The following ZNF214 variants were observed in gnomAD, a reference collection of about 807,000 sequenced individuals.
The protein encoded by ZNF214 is BWSCR2-associated zinc finger protein 1.
ZNF214 carries 43 observed loss-of-function variants against 53.9 expected under a neutral mutation model. The ratio of observed to expected loss-of-function variants is 0.80; its 90% confidence interval spans 0.63 to 1.03. The LOEUF (loss-of-function observed/expected upper bound fraction) is 1.03, where lower values mean the gene tolerates loss of function less well. Among genes scored for constraint, ZNF214 ranks in the 50% least tolerant of loss-of-function variants. ZNF214 has a pLI of 0.00. For synonymous variants in ZNF214, 217 were observed against 229.5 expected (o/e 0.95, Z 0.49); for missense variants, 724 against 719.1 (o/e 1.01, Z -0.08).
chr11:7,007,530 A>G (rs1172734027), intron 1 of ZNF214, among the ~76,000 whole-genome samples: 1 of 151,882 alleles, frequency 6.6e-6, no homozygotes, highest in Admixed American at 6.6e-5. Flanking sequence ...TGGCAAAAAT[A>G]CCATAAGGGA....
chr11:7,002,024 T>G (rs558320898), intron 2 of ZNF214, among the ~76,000 whole-genome samples: 11 of 152,134 alleles, frequency 7.2e-5, no homozygotes, highest in African/African-American at 2.6e-4. Flanking sequence ...GGTGTTCTCC[T>G]TCCACACTCT....
intron 2 of ZNF214, among the ~76,000 whole-genome samples, chr11:7,002,491 AATAACT>A (rs139225816): frequency 0.014 from 2,153 of 152,110 alleles, 55 homozygotes; most frequent in African/African-American, 0.049. Flanking sequence ...TAATGCAGAG[AATAACT>A]AAAACTAATA....
chr11:7,007,852 A>C (rs373371448), intron 1 of ZNF214, among the ~76,000 whole-genome samples: 58 of 110,304 alleles, frequency 5.3e-4, no homozygotes, highest in African/African-American at 1.6e-3. Flanking sequence ...AAGATAGACC[A>C]TGTATTAGTC....
chr11:6,999,736 T>C lies in ZNF214; in HGVS notation c.*126A>G. The C allele has an allele frequency of 1.9e-6, 2 of 1,029,758 alleles. No individual in the cohort carries two copies. The highest frequency in any genetic ancestry group is 2.7e-6 in the Non-Finnish European group (2 of 740,426). 63.8% of individuals were successfully genotyped at this position (1,029,758 alleles called of 1,614,324 possible). On this transcript the variant is annotated 3_prime_UTR_variant, in exon 3 of 3. Coordinates refer to ENST00000278314, the MANE Select transcript of ZNF214 (RefSeq NM_013249.4). ...GAAGCAAATAATTCTTAGTGGGAGA[T>C]AGGGGAAACTATAAATGTTGCTTGG...
At chr11:7,011,465 C>T (rs933111372) in intron 1 of ZNF214, among the ~76,000 whole-genome samples, 4 of 151,958 alleles carry the variant, frequency 2.6e-5, no homozygotes, top group African/African-American at 9.7e-5. Flanking sequence ...CTATAAAGTT[C>T]AGGAAGTTCA....
chr11:7,002,302 C>T (rs1261257761), intron 2 of ZNF214, among the ~76,000 whole-genome samples: 1 of 151,882 alleles, frequency 6.6e-6, no homozygotes. Flanking sequence ...CCAAATCCTC[C>T]ATGATAAAAG....
In ZNF214 at chr11:7,018,470, T is replaced by C. The variant is rs139872277; in HGVS notation, c.-21+1603A>G. Among the ~76,000 whole-genome samples, 367 of 151,396 alleles carry C rather than the reference T, an allele frequency of 2.4e-3. 3 individuals are homozygous for C. The highest frequency in any genetic ancestry group is 8.7e-3 in the African/African-American group (359 of 41,284). On this transcript the variant is annotated intron_variant, in intron 1 of 2. Transcript: ENST00000278314. Reference sequence around the variant, plus strand: ...TTCAGAAATTATTATTAATCTCATATAGTTTATTACCCCCAATGTTAAGAC... The same window carrying C: ...TTCAGAAATTATTATTAATCTCATACAGTTTATTACCCCCAATGTTAAGAC...
intron 1 of ZNF214, among the ~76,000 whole-genome samples, chr11:7,014,871 G>A (rs1197323737): frequency 2.7e-5 from 4 of 150,186 alleles, no homozygotes; most frequent in Admixed American, 6.6e-5. Flanking sequence ...CTGAGATCAC[G>A]CTACTGGACT....
In ZNF214 at chr11:7,000,631, A is replaced by C; in HGVS notation, c.1052T>G (p.Leu351Arg). The change falls in exon 3 of 3, where the codon CTT becomes CGT. Residue 351 changes from leucine to arginine, a missense_variant. Leu to Arg is a moderately radical substitution (Grantham distance 102). Transcript: ENST00000278314. ...RNSLLHIHQR[L>R]HIGEKPFKCN... ...TTTAAAAGGCTTCTCTCCTATGTGAAGTCTCTGGTGAATGTGAAGTAATGA... is the reference window on the plus strand; with the variant it reads ...TTTAAAAGGCTTCTCTCCTATGTGACGTCTCTGGTGAATGTGAAGTAATGA... The C allele has an allele frequency of 6.2e-7, 1 of 1,602,566 alleles. No individual in the cohort carries two copies. Among genetic ancestry groups the C allele is most frequent in the Non-Finnish European group, 8.5e-7 (1 of 1,176,100 alleles).
chr11:7,000,424 CCA>C lies in ZNF214; in HGVS notation c.1257_1258del (p.Cys419TrpfsTer2), dbSNP rs1438953105. 1 of 1,613,244 alleles carries C rather than the reference CCA, an allele frequency of 6.2e-7. No individual in the cohort carries two copies. The highest frequency in any genetic ancestry group is 1.3e-5 in the African/African-American group (1 of 74,858). On this transcript the variant is annotated frameshift_variant, in exon 3 of 3. Coordinates refer to ENST00000278314, the MANE Select transcript of ZNF214 (RefSeq NM_013249.4). LOFTEE classifies it high-confidence loss of function. ...ATTTGAGCGCTGGGTAAAGCCTTTA[CCA>C]CAGTCTTCACATTTATAAGACTTCT... is the stretch of plus-strand genomic sequence containing the variant.
intron 1 of ZNF214, among the ~76,000 whole-genome samples, chr11:7,008,420 G>A (rs897710171): frequency 2.0e-4 from 30 of 152,038 alleles, no homozygotes; most frequent in African/African-American, 7.2e-4. Flanking sequence ...AAGACAGAGC[G>A]AGATGCTGTC....
rs771790750 is a variant in ZNF214, at chr11:7,001,452, C to T, written c.231G>A (p.Met77Ile). Residue 77 changes from methionine to isoleucine, a missense_variant, in exon 3 of 3, where the codon ATG becomes ATA. Met to Ile is a conservative substitution (Grantham distance 10). Coordinates refer to ENST00000278314, the MANE Select transcript of ZNF214 (RefSeq NM_013249.4). ...WQGWWNAGAQ[M>I]YENQNYGETV... ...TTTCCCCATAGTTCTGATTCTCATA[C>T]ATCTGGGCGCCAGCATTCCACCAGC... The T allele has an allele frequency of 6.2e-6, 10 of 1,613,038 alleles. No individual in the cohort carries two copies. The highest frequency in any genetic ancestry group is 1.1e-5 in the South Asian group (1 of 91,034).
At chr11:7,016,566 G>GGA (rs1310647764) in intron 1 of ZNF214, among the ~76,000 whole-genome samples, 2 of 151,914 alleles carry the variant, frequency 1.3e-5, no homozygotes, top group African/African-American at 4.8e-5. Flanking sequence ...ACATATAAAG[G>GGA]GACAACAATA....
Position 7,000,759 on chromosome 11 carries a change from A to G in ZNF214, c.924T>C (p.Cys308=), listed in dbSNP as rs769599992. ...IGEVPYSCNA[C]GKSFSQISSL... is the part of the protein sequence containing the mutation. ...TAGAGATCTGGCTGAAGCTCTTACC[A>G]CATGCATTACAGCTATAAGGTACCT... The change falls in exon 3 of 3, where the codon TGT becomes TGC. Residue 308 remains cysteine (C), a synonymous_variant. Transcript: ENST00000278314. 3.7e-6 allele frequency: 6 copies of G among 1,610,752 alleles called. No homozygotes were observed. The highest frequency in any genetic ancestry group is 5.1e-6 in the Non-Finnish European group (6 of 1,179,282).
rs1191437669 is a variant in ZNF214 at position 7,000,161 on chromosome 11, T to C, written c.1522A>G (p.Ser508Gly). 1 of 1,613,406 alleles carries C rather than the reference T, an allele frequency of 6.2e-7. No individual in the cohort carries two copies. The highest frequency in any genetic ancestry group is 1.7e-5 in the Admixed American group (1 of 59,874). Residue 508 changes from serine (S) to glycine (G), a missense_variant, in exon 3 of 3, where the codon AGT becomes GGT. Physicochemically the swap from Ser to Gly is moderately conservative, Grantham distance 56. Transcript: ENST00000278314. Reference protein sequence around the residue: ...YKCEECGKGFSQRSHLLIHQR... With the variant: ...YKCEECGKGFGQRSHLLIHQR... The stretch of plus-strand genomic sequence containing the variant: ...TGAATGAGAAGATGTGAACGCTGAC[T>C]GAATCCCTTGCCACACTCTTCACAT...
intron 1 of ZNF214, among the ~76,000 whole-genome samples, chr11:7,007,020 A>G (rs1483259615): frequency 6.6e-6 from 1 of 151,968 alleles, no homozygotes; most frequent in African/African-American, 2.4e-5. Flanking sequence ...GAACAAAGAA[A>G]AAAGGAGACA....
At chr11:7,018,647 G>A (rs1589850201) in intron 1 of ZNF214, among the ~76,000 whole-genome samples, 2 of 151,652 alleles carry the variant, frequency 1.3e-5, no homozygotes, top group African/African-American at 4.8e-5. Context: ...GATTACAGGT[G>A]CCTGCCACAA....
At chr11:7,013,622 T>A (rs11041135) in intron 1 of ZNF214, among the ~76,000 whole-genome samples, 16,209 of 152,254 alleles carry the variant, frequency 0.11, 885 homozygotes, top group Admixed American at 0.17. Flanking sequence ...CTTCGCAGCC[T>A]CCGTACAATA....
intron 1 of ZNF214, among the ~76,000 whole-genome samples, chr11:7,006,276 G>T (rs1212128303): frequency 6.6e-6 from 1 of 152,008 alleles, no homozygotes; most frequent in East Asian, 1.9e-4. Context: ...TCTCCCAGGA[G>T]TCTGATAATT....
Sources: gnomAD v4.1 joint callset for allele counts (sites outside exome capture counted in the v4.1 genomes callset) on GRCh38, gnomAD v4.1.1 for gene constraint, MANE v1.5 for transcripts, NCBI Gene and HGNC (gene_info 2026-07-23, HGNC 2026-07-21) for gene names.